The following KIAA0319 variants were observed in gnomAD, a reference collection of about 807,000 sequenced individuals.
KIAA0319 encodes KIAA0319, also known as dyslexia-associated protein KIAA0319.
Under a neutral mutation model 108.4 loss-of-function variants are expected in KIAA0319, and 83 were observed. The ratio of observed to expected loss-of-function variants is 0.77; its 90% CI spans 0.64 to 0.92. KIAA0319 has a LOEUF of 0.92. KIAA0319 is among the 40% of genes least tolerant of loss of function. The pLI, the probability that KIAA0319 is intolerant of heterozygous loss-of-function variation, is 0.00. For synonymous variants in KIAA0319, 484 were observed against 510.4 expected, an observed-to-expected ratio of 0.95 and a Z score of 0.70; for missense variants, 1,195 against 1,322.4, an observed-to-expected ratio of 0.90 and a Z score of 1.49.
At chr6:24,543,544 C>T (rs1760287345), downstream of KIAA0319, among the ~76,000 whole-genome samples, 1 of 152,226 alleles carries the variant, frequency 6.6e-6, no homozygotes, top group South Asian at 2.1e-4. Context: ...CCTCCCACCT[C>T]AGCCTCCTGA....
intron 19 of KIAA0319, 39 bp from the exon 20 acceptor site, chr6:24,551,564 A>C (rs375671437): frequency 1.4e-5 from 19 of 1,355,390 alleles, no homozygotes; most frequent in Non-Finnish European, 1.9e-5. Flanking sequence ...AGATCTTTAG[A>C]AAGGTAACTG....
Position 24,583,634 on chromosome 6 carries a change from T to TC in KIAA0319, c.1062dup (p.Lys355GlufsTer17). On this transcript the variant is annotated frameshift_variant, in exon 5 of 21. Coordinates refer to ENST00000378214, the MANE Select transcript of KIAA0319 (RefSeq NM_014809.4). LOFTEE classifies it high-confidence loss of function. The stretch of plus-strand genomic sequence containing the variant: ...GGTGGCGCTGGCGCAACAAAGGCCT[T>TC]CAGTTCAACTTCATTGTCGGGTAAA... 2.5e-6 allele frequency: 4 copies of TC among 1,613,862 alleles called. No individual in the cohort carries two copies.
rs12524740 is a variant in KIAA0319, at chr6:24,594,714, A to G, written c.801+1159T>C. On this transcript the variant is annotated intron_variant, in intron 3 of 20. Coordinates refer to ENST00000378214, the MANE Select transcript of KIAA0319 (RefSeq NM_014809.4). The stretch of plus-strand genomic sequence containing the variant: ...TTTTTCATGGTTGAGATTATAATGT[A>G]TAGTCAATTCAATTCAGCATTCCTC... 2.3e-3 allele frequency among the ~76,000 whole-genome samples: 351 copies of G among 152,174 alleles called. 14 individuals carry two copies. Among genetic ancestry groups the G allele is most frequent in the Admixed American group, 0.021 (326 of 15,290 alleles).
intron 17 of KIAA0319, among the ~76,000 whole-genome samples, chr6:24,557,014 G>A (rs552226173): frequency 1.1e-4 from 16 of 152,318 alleles, no homozygotes; most frequent in African/African-American, 3.4e-4. Flanking sequence ...AGACCATCCT[G>A]ACCAACATGG....
chr6:24,586,278 C>A (rs1194380995), intron 4 of KIAA0319, among the ~76,000 whole-genome samples: 1 of 152,058 alleles, frequency 6.6e-6, no homozygotes, highest in Non-Finnish European at 1.5e-5. Context: ...AACTATAACT[C>A]TTTTATACAA....
intron 2 of KIAA0319, 83 bp from the exon 3 acceptor site, chr6:24,596,701 T>C (rs185788710): frequency 1.5e-6 from 2 of 1,295,456 alleles, no homozygotes; most frequent in African/African-American, 3.0e-5. Flanking sequence ...GAAAAGGGAG[T>C]CTTCTCAATC....
chr6:24,624,203 G>GTTTT (rs35622777), intron 1 of KIAA0319, among the ~76,000 whole-genome samples: 8 of 92,822 alleles, frequency 8.6e-5, no homozygotes, highest in Admixed American at 1.3e-4. Context: ...TTTTGGGGTT[G>GTTTT]TTTTTTTTTT....
chr6:24,541,158 C>T (rs1337370007), downstream of KIAA0319, among the ~76,000 whole-genome samples: 2 of 152,150 alleles, frequency 1.3e-5, no homozygotes, highest in African/African-American at 2.4e-5. Flanking sequence ...AAAAAGGATA[C>T]ATAATTGAAT....
chr6:24,563,522 G>C lies in KIAA0319; in HGVS notation c.2432-4C>G, dbSNP rs372465374. ...ACCAGGCCACTCTTCCTAGGGTCTG[G>C]GGAAAGAGAAGATACAGGATTTGCA... On this transcript the variant is annotated splice_region_variant and splice_polypyrimidine_tract_variant and intron_variant, in intron 15 of 20. Coordinates refer to ENST00000378214, the MANE Select transcript of KIAA0319 (RefSeq NM_014809.4). The C allele has an allele frequency of 6.2e-6, 10 of 1,604,078 alleles. No homozygotes were observed. The highest frequency in any genetic ancestry group is 4.5e-5 in the East Asian group (2 of 44,768).
At chr6:24,580,085 A>G in intron 7 of KIAA0319, 135 bp from the exon 8 acceptor site, 1 of 621,650 alleles carries the variant, frequency 1.6e-6, no homozygotes, top group Non-Finnish European at 2.8e-6. Flanking sequence ...GGCCTCAACT[A>G]TGGAGAGCAC....
At chr6:24,568,174 C>A (rs529965862) in intron 13 of KIAA0319, among the ~76,000 whole-genome samples, 4 of 152,318 alleles carry the variant, frequency 2.6e-5, no homozygotes, top group South Asian at 4.1e-4. Context: ...TTCTACAATG[C>A]TTGAACCTTT....
At chr6:24,604,322 CAA>C (rs1771096952) in intron 1 of KIAA0319, among the ~76,000 whole-genome samples, 2 of 152,152 alleles carry the variant, frequency 1.3e-5, no homozygotes, top group South Asian at 4.1e-4. Flanking sequence ...AAGAGAAGAG[CAA>C]CTGGCCTCCC....
chr6:24,633,529 G>T (rs1186801545), intron 1 of KIAA0319, among the ~76,000 whole-genome samples: 1 of 152,074 alleles, frequency 6.6e-6, no homozygotes, highest in Non-Finnish European at 1.5e-5. Flanking sequence ...AGAGGCCAAG[G>T]CAGGAGGATC....
chr6:24,576,762 T>TAA (rs549850988), intron 9 of KIAA0319, among the ~76,000 whole-genome samples, 166 bp from the exon 10 acceptor site: 2 of 143,128 alleles, frequency 1.4e-5, no homozygotes, highest in Non-Finnish European at 3.1e-5. Flanking sequence ...TCTATTTAAT[T>TAA]AAAAAAAAAA....
intron 11 of KIAA0319, among the ~76,000 whole-genome samples, chr6:24,570,354 C>T (rs1160893287): frequency 3.9e-5 from 6 of 152,094 alleles, no homozygotes; most frequent in African/African-American, 9.7e-5. Flanking sequence ...TTTGGGAGAA[C>T]GAGGCGGGCG....
rs138591319 is a variant in KIAA0319 at position 24,620,917 on chromosome 6, C to A, written c.-105-19709G>T. 6.1e-3 allele frequency among the ~76,000 whole-genome samples: 936 copies of A among 152,252 alleles called. 11 individuals are homozygous for A. The highest frequency in any genetic ancestry group is 0.021 in the African/African-American group (886 of 41,544). On this transcript the variant is annotated intron_variant, in intron 1 of 20. Transcript: ENST00000378214. The stretch of plus-strand genomic sequence containing the variant: ...CATTCATTCTATAATAGCACCTATG[C>A]GTATGCCTAGGAATGCAGCTGACTT...
chr6:24,587,270 CTTTT>C (rs576110644), intron 4 of KIAA0319, among the ~76,000 whole-genome samples: 1 of 148,994 alleles, frequency 6.7e-6, no homozygotes, highest in African/African-American at 2.5e-5. Flanking sequence ...ACACTATTTT[CTTTT>C]TTTTCCTTTT....
At chr6:24,558,125 A>G (rs937508602) in intron 17 of KIAA0319, among the ~76,000 whole-genome samples, 3 of 149,854 alleles carry the variant, frequency 2.0e-5, no homozygotes, top group African/African-American at 7.5e-5. Flanking sequence ...AGAAAAAAAA[A>G]GGAGTTATTG....
intron 3 of KIAA0319, among the ~76,000 whole-genome samples, chr6:24,589,225 C>T (rs1166930104): frequency 6.6e-6 from 1 of 152,112 alleles, no homozygotes; most frequent in Non-Finnish European, 1.5e-5. Context: ...GATTCGTGCC[C>T]TTATAAGTAG....
Sources: allele counts gnomAD v4.1 joint callset (sites outside exome capture counted in the v4.1 genomes callset), GRCh38; gene constraint gnomAD v4.1.1; transcripts MANE v1.5; gene names NCBI Gene and HGNC (gene_info 2026-07-23, HGNC 2026-07-21).